Variants in ZNF804B observed in about 807,000 individuals in gnomAD.
ZNF804B encodes zinc finger protein 804B, also known as zinc finger 804B.
In ZNF804B, 80 loss-of-function variants were observed where a neutral mutation model predicts 101.4. The ratio of observed to expected loss-of-function variants is 0.79; its 90% CI spans 0.66 to 0.95. The LOEUF is 0.95. Among genes scored for constraint, ZNF804B ranks in the 40% least tolerant of loss-of-function variants. ZNF804B has a pLI of 0.00. For synonymous variants in ZNF804B, 622 were observed against 558.8 expected, an observed-to-expected ratio of 1.11 and a Z score of -1.59; for missense variants, 1,673 against 1,561.9, an observed-to-expected ratio of 1.07 and a Z score of -1.20.
intron 1 of ZNF804B, among the ~76,000 whole-genome samples, chr7:89,142,296 A>G (rs576702285): frequency 6.8e-6 from 1 of 147,560 alleles, no homozygotes; most frequent in Non-Finnish European, 1.5e-5. Context: ...TTTTTGTTTT[A>G]TTTTTCTTTT....
chr7:88,805,938 C>T (rs925482636), intron 1 of ZNF804B, among the ~76,000 whole-genome samples: 3 of 150,070 alleles, frequency 2.0e-5, no homozygotes, highest in Non-Finnish European at 4.4e-5. Context: ...GCCTTGCGTG[C>T]TGAAATATAG....
intron 2 of ZNF804B, among the ~76,000 whole-genome samples, chr7:89,322,698 AAC>A (rs1200323155): frequency 6.6e-6 from 1 of 152,146 alleles, no homozygotes; most frequent in Non-Finnish European, 1.5e-5. Context: ...TCTTGAAAGA[AAC>A]ACATTACCAA....
intron 1 of ZNF804B, among the ~76,000 whole-genome samples, chr7:89,091,773 C>G (rs1789891604): frequency 6.6e-6 from 1 of 152,144 alleles, no homozygotes; most frequent in Non-Finnish European, 1.5e-5. Flanking sequence ...GGGCTTCCCT[C>G]CTGGGGTTTT....
chr7:88,873,517 T>C (rs1180528153), intron 1 of ZNF804B, among the ~76,000 whole-genome samples: 1 of 152,192 alleles, frequency 6.6e-6, no homozygotes, highest in Non-Finnish European at 1.5e-5. Flanking sequence ...CCATTCCTTT[T>C]GGTGTTTTAG....
intron 1 of ZNF804B, among the ~76,000 whole-genome samples, chr7:88,870,340 G>A (rs537486128): frequency 1.0e-4 from 14 of 140,402 alleles, no homozygotes; most frequent in Admixed American, 2.9e-4. Context: ...AGTCGAGATC[G>A]CGCCACTGCA....
intron 2 of ZNF804B, among the ~76,000 whole-genome samples, chr7:89,323,350 CA>C (rs1584125003): frequency 6.6e-6 from 1 of 152,188 alleles, no homozygotes; most frequent in Admixed American, 6.6e-5. Context: ...ACCAATATCA[CA>C]CATGAACATA....
At chr7:89,101,526 T>TCA (rs1790055430) in intron 1 of ZNF804B, among the ~76,000 whole-genome samples, 2 of 151,926 alleles carry the variant, frequency 1.3e-5, no homozygotes, top group Non-Finnish European at 2.9e-5. Flanking sequence ...GAAGTCTAAC[T>TCA]CACATTTATA....
intron 2 of ZNF804B, among the ~76,000 whole-genome samples, chr7:89,282,334 A>T (rs1790112899): frequency 6.6e-6 from 1 of 152,148 alleles, no homozygotes; most frequent in Admixed American, 6.5e-5. Context: ...ATGGTATTGC[A>T]AATATCATCA....
At chr7:89,237,806 C>T (rs1789307903) in intron 2 of ZNF804B, among the ~76,000 whole-genome samples, 1 of 152,144 alleles carries the variant, frequency 6.6e-6, no homozygotes, top group African/African-American at 2.4e-5. Context: ...GGGAAAATTA[C>T]ACACCAAAGA....
At chr7:88,803,806 C>A (rs1048723274) in intron 1 of ZNF804B, among the ~76,000 whole-genome samples, 1 of 151,976 alleles carries the variant, frequency 6.6e-6, no homozygotes, top group African/African-American at 2.4e-5. Context: ...TGGTAGTTGT[C>A]TGCATTGAGG....
chr7:89,243,818 G>A (rs930062585), intron 2 of ZNF804B, among the ~76,000 whole-genome samples: 2 of 151,648 alleles, frequency 1.3e-5, no homozygotes, highest in African/African-American at 4.8e-5. Context: ...ATTTACTTAG[G>A]AGTCAAAAGT....
At chr7:89,159,412 T>C (rs1446877609) in intron 1 of ZNF804B, among the ~76,000 whole-genome samples, 1 of 152,114 alleles carries the variant, frequency 6.6e-6, no homozygotes, top group African/African-American at 2.4e-5. Flanking sequence ...TTTACTTTTT[T>C]TAGTACTATG....
At chr7:89,325,130 G>T (rs1433069459) in intron 2 of ZNF804B, among the ~76,000 whole-genome samples, 2 of 151,736 alleles carry the variant, frequency 1.3e-5, no homozygotes, top group Admixed American at 1.3e-4. Context: ...TCCTAAACTG[G>T]AACAGTTTCC....
chr7:89,165,737 C>A (rs2116426088), intron 1 of ZNF804B, among the ~76,000 whole-genome samples: 1 of 152,158 alleles, frequency 6.6e-6, no homozygotes, highest in Admixed American at 6.6e-5. Flanking sequence ...CTAGTTTAGA[C>A]TCCGGGAACC....
At chr7:88,825,790 A>AT (rs1791043345) in intron 1 of ZNF804B, among the ~76,000 whole-genome samples, 1 of 152,132 alleles carries the variant, frequency 6.6e-6, no homozygotes. Context: ...CTGTATGATG[A>AT]TGCTGCTCAC....
chr7:89,247,516 A>G (rs1359069619), intron 2 of ZNF804B, among the ~76,000 whole-genome samples: 1 of 152,150 alleles, frequency 6.6e-6, no homozygotes, highest in African/African-American at 2.4e-5. Context: ...CCTACCCAAC[A>G]TTGTCTACAA....
intron 1 of ZNF804B, among the ~76,000 whole-genome samples, chr7:89,175,500 G>A (rs1791304046): frequency 6.6e-6 from 1 of 151,988 alleles, no homozygotes; most frequent in Admixed American, 6.6e-5. Context: ...TTGAAGCTAG[G>A]TAATGTGATT....
intron 2 of ZNF804B, among the ~76,000 whole-genome samples, chr7:89,291,103 A>G (rs1054139684): frequency 6.6e-6 from 1 of 152,164 alleles, no homozygotes; most frequent in Non-Finnish European, 1.5e-5. Context: ...ATACAGATAC[A>G]GCTTAGATCA....
chr7:88,810,346 A>T (rs1253924406), intron 1 of ZNF804B, among the ~76,000 whole-genome samples: 2 of 152,180 alleles, frequency 1.3e-5, no homozygotes, highest in African/African-American at 4.8e-5. Context: ...AAGACAATGT[A>T]AAAGTGTATA....
Sources: gnomAD v4.1 joint callset for allele counts (sites outside exome capture counted in the v4.1 genomes callset) on GRCh38, gnomAD v4.1.1 for gene constraint, MANE v1.5 for transcripts, NCBI Gene and HGNC (gene_info 2026-07-23, HGNC 2026-07-21) for gene names.